The following SOX5 variants were observed in gnomAD, a reference collection of about 807,000 sequenced individuals.
SOX5 encodes SRY-box transcription factor 5, also known as transcription factor SOX-5.
In SOX5, 9 loss-of-function variants were observed where a neutral mutation model predicts 92.0. That is an observed-to-expected ratio of 0.10 (90% CI 0.06 to 0.17). The LOEUF (loss-of-function observed/expected upper bound fraction) is 0.17. Ranked by LOEUF, SOX5 falls within the 10% of genes least tolerant of loss-of-function variation. SOX5 has a pLI of 1.00. For synonymous variants in SOX5, 344 were observed against 336.3 expected (o/e 1.02, Z -0.25); for missense variants, 642 against 944.5 (o/e 0.68, Z 4.20).
intron 1 of SOX5, among the ~76,000 whole-genome samples, chr12:24,555,271 T>G (rs981256131): frequency 1.3e-5 from 2 of 152,254 alleles, no homozygotes; most frequent in Admixed American, 1.3e-4. Context: ...GGTAAGGAAA[T>G]GAAGAGAGTT....
At chr12:23,765,286 C>T (rs375914058) in intron 3 of SOX5, among the ~76,000 whole-genome samples, 1 of 136,102 alleles carries the variant, frequency 7.3e-6, no homozygotes, top group Admixed American at 8.3e-5. Context: ...TGCAAAAGGG[C>T]GTTTAATGTT....
chr12:23,943,552 AAAT>A (rs1273877535), intron 1 of SOX5, among the ~76,000 whole-genome samples: 1 of 152,140 alleles, frequency 6.6e-6, no homozygotes, highest in Non-Finnish European at 1.5e-5. Context: ...TTACAGAGAA[AAAT>A]AATAAGAAAT....
chr12:24,349,536 G>A (rs1168398782), intron 2 of SOX5, among the ~76,000 whole-genome samples: 1 of 152,146 alleles, frequency 6.6e-6, no homozygotes, highest in Non-Finnish European at 1.5e-5. Flanking sequence ...GACAGTATTT[G>A]TCTTTTAGTG....
At chr12:24,399,518 G>T (rs565442219) in intron 1 of SOX5, among the ~76,000 whole-genome samples, 1 of 152,118 alleles carries the variant, frequency 6.6e-6, no homozygotes, top group Non-Finnish European at 1.5e-5. Flanking sequence ...TTATAAAACC[G>T]TGAGTACAAA....
intron 3 of SOX5, among the ~76,000 whole-genome samples, chr12:24,228,740 C>G (rs1193849678): frequency 6.6e-6 from 1 of 152,098 alleles, no homozygotes; most frequent in Admixed American, 6.5e-5. Flanking sequence ...TTGAAGCACC[C>G]TGAATATTTC....
rs140013258 is a variant in SOX5, at chr12:24,107,643, G to A, written c.-2+105700C>T. Among the ~76,000 whole-genome samples the A allele has an allele frequency of 5.3e-3, 801 of 152,320 alleles. 13 individuals are homozygous for A. The highest frequency in any genetic ancestry group is 0.018 in the African/African-American group (748 of 41,574). On this transcript the variant is annotated intron_variant, in intron 4 of 4. Coordinates refer to the SOX5 transcript ENST00000446891. ...CTCTAAGCTAAAGCTCCCTAAGGAA[G>A]GGTTTAAAAGGAGTTCCTGCATCTT...
In SOX5 at chr12:24,084,942, A is replaced by C. The variant is rs375623353; in HGVS notation, c.-2+128401T>G. Among the ~76,000 whole-genome samples, 43 of 152,224 alleles carry C rather than the reference A, an allele frequency of 2.8e-4. 1 individual carries two copies. The East Asian group carries it at 7.0e-3, about 25-fold the overall frequency. On this transcript the variant is annotated intron_variant, in intron 4 of 4. Coordinates refer to the SOX5 transcript ENST00000446891. ...ACCTTTAAGTGATTATATTTATATA[A>C]ATCACTTGGCTATCTGCCTTTTTCA...
intron 4 of SOX5, among the ~76,000 whole-genome samples, chr12:24,124,579 A>G (rs1948932553): frequency 6.6e-6 from 1 of 151,902 alleles, no homozygotes; most frequent in South Asian, 2.1e-4. Context: ...AAAAAAAGAA[A>G]AAAAGAAAAA....
At chr12:24,501,400 A>C (rs1948188238) in intron 1 of SOX5, among the ~76,000 whole-genome samples, 1 of 152,104 alleles carries the variant, frequency 6.6e-6, no homozygotes, top group Non-Finnish European at 1.5e-5. Flanking sequence ...AAATATGTAC[A>C]AGCTCTATCT....
At chr12:24,015,090 T>G (rs1349929166) in intron 4 of SOX5, among the ~76,000 whole-genome samples, 1 of 151,868 alleles carries the variant, frequency 6.6e-6, no homozygotes, top group Non-Finnish European at 1.5e-5. Context: ...CTCTTTCTCT[T>G]TCTGTCTCTC....
intron 9 of SOX5, among the ~76,000 whole-genome samples, chr12:23,586,997 T>C (rs954413357): frequency 6.6e-6 from 1 of 151,472 alleles, no homozygotes; most frequent in Non-Finnish European, 1.5e-5. Flanking sequence ...TATAATGTAA[T>C]TTTGTCATGG....
At chr12:23,704,183 G>A (rs931022270) in intron 6 of SOX5, among the ~76,000 whole-genome samples, 4 of 151,706 alleles carry the variant, frequency 2.6e-5, no homozygotes, top group African/African-American at 7.3e-5. Flanking sequence ...TTGTGTGTGT[G>A]TGTAAAGTTT....
chr12:24,491,390 A>C (rs1284493264), intron 1 of SOX5, among the ~76,000 whole-genome samples: 2 of 152,194 alleles, frequency 1.3e-5, no homozygotes, highest in East Asian at 3.9e-4. Context: ...TATACCAATC[A>C]TGATAGTCCT....
At chr12:23,672,105 T>C (rs980682133) in intron 6 of SOX5, among the ~76,000 whole-genome samples, 1 of 151,658 alleles carries the variant, frequency 6.6e-6, no homozygotes, top group Non-Finnish European at 1.5e-5. Flanking sequence ...AAAGGAGTGA[T>C]GCTATTGAAG....
chr12:24,030,301 C>T (rs1254308763), intron 4 of SOX5, among the ~76,000 whole-genome samples: 1 of 151,762 alleles, frequency 6.6e-6, no homozygotes. Context: ...AAATATACTA[C>T]AAAGTTATAG....
At chr12:24,444,234 A>G (rs937804499) in intron 1 of SOX5, among the ~76,000 whole-genome samples, 2 of 151,704 alleles carry the variant, frequency 1.3e-5, no homozygotes, top group African/African-American at 4.8e-5. Context: ...AGAAACTAGC[A>G]TTTACTAAGT....
intron 2 of SOX5, among the ~76,000 whole-genome samples, chr12:23,869,176 T>C (rs1782371190): frequency 6.6e-6 from 1 of 152,170 alleles, no homozygotes; most frequent in South Asian, 2.1e-4. Context: ...TTTAGCTAAA[T>C]GTTATTTCCT....
At chr12:24,228,746 A>G (rs527466955) in intron 3 of SOX5, among the ~76,000 whole-genome samples, 1 of 151,816 alleles carries the variant, frequency 6.6e-6, no homozygotes, top group African/African-American at 2.4e-5. Flanking sequence ...CACCCTGAAT[A>G]TTTCTCCTTC....
chr12:24,523,279 TAGA>T (rs995694832), intron 1 of SOX5, among the ~76,000 whole-genome samples: 20 of 152,200 alleles, frequency 1.3e-4, no homozygotes, highest in African/African-American at 4.8e-4. Flanking sequence ...GTTCATGGAT[TAGA>T]AGAACTAATA....
Sources: allele counts gnomAD v4.1 joint callset (sites outside exome capture counted in the v4.1 genomes callset), GRCh38; gene constraint gnomAD v4.1.1; transcripts MANE v1.5; gene names NCBI Gene and HGNC (gene_info 2026-07-23, HGNC 2026-07-21).